PCDHGA2: variants seen among roughly 807,000 people sequenced by gnomAD.
PCDHGA2 encodes protocadherin gamma-A2.
In PCDHGA2, 40 loss-of-function variants were observed where a neutral mutation model predicts 59.2. That is an observed-to-expected ratio of 0.68 (90% confidence interval 0.52 to 0.88). The LOEUF (loss-of-function observed/expected upper bound fraction) is 0.88, where lower values mean the gene tolerates loss of function less well. Among genes scored for constraint, PCDHGA2 ranks in the 40% least tolerant of loss-of-function variants. The pLI, the probability that PCDHGA2 is intolerant of heterozygous loss-of-function variation, is 0.00. For synonymous variants in PCDHGA2, 560 were observed against 526.0 expected, an observed-to-expected ratio of 1.06 and a Z score of -0.89; for missense variants, 1,226 against 1,204.0, an observed-to-expected ratio of 1.02 and a Z score of -0.27.
intron 1 of PCDHGA2, chr5:141,415,542 T>C (rs770960227): frequency 1.2e-5 from 19 of 1,614,056 alleles, no homozygotes; most frequent in Non-Finnish European, 9.3e-6. Context: ...AGGAGAGCTG[T>C]GAGAAAAACG....
At chr5:141,461,063 C>T (rs1472437531) in intron 1 of PCDHGA2, among the ~76,000 whole-genome samples, 1 of 151,796 alleles carries the variant, frequency 6.6e-6, no homozygotes, top group Non-Finnish European at 1.5e-5. Flanking sequence ...GTTGGTTTCA[C>T]ATTTTTGCAA....
chr5:141,484,530 A>G (rs1406516272), intron 1 of PCDHGA2, among the ~76,000 whole-genome samples: 1 of 152,200 alleles, frequency 6.6e-6, no homozygotes, highest in East Asian at 1.9e-4. Context: ...TTTTGAGTAT[A>G]TGGCAGTGGT....
intron 1 of PCDHGA2, chr5:141,418,421 G>A (rs776535087): frequency 2.5e-6 from 4 of 1,613,966 alleles, no homozygotes; most frequent in Non-Finnish European, 3.4e-6. Flanking sequence ...CAATCCTGAT[G>A]GTGGCAAATA....
intron 1 of PCDHGA2, chr5:141,415,179 G>A: frequency 6.2e-7 from 1 of 1,613,934 alleles, no homozygotes; most frequent in Non-Finnish European, 8.5e-7. Flanking sequence ...CCGTGGCCGT[G>A]GCCGACAGCA....
chr5:141,426,772 C>T, intron 1 of PCDHGA2: 1 of 456,686 alleles, frequency 2.2e-6, no homozygotes, highest in South Asian at 1.5e-5. Context: ...GATGTAGGGC[C>T]TCACTCTCTC....
chr5:141,374,326 C>A, intron 1 of PCDHGA2: 1 of 1,613,980 alleles, frequency 6.2e-7, no homozygotes, highest in Non-Finnish European at 8.5e-7. Context: ...ATCCGCGAAA[C>A]GGCAGCTTGG....
In PCDHGA2 at chr5:141,432,487, G is replaced by A; in HGVS notation, c.2425-62320G>A. On this transcript the variant is annotated intron_variant, in intron 1 of 3. Coordinates refer to ENST00000394576, the MANE Select transcript of PCDHGA2 (RefSeq NM_018915.4). This position sits in a 1 kb window ranked among gnomAD's most constrained non-coding sequence, Gnocchi z 6.0. ...CCACGGACGGTTCCACTGGCGTGGA[G>A]CTGGCTCCCCGCTCCGCAGAGCCCG... 1.2e-6 allele frequency: 2 copies of A among 1,614,208 alleles called. No homozygotes were observed. The highest frequency in any genetic ancestry group is 2.2e-5 in the East Asian group (1 of 44,874).
At chr5:141,344,775 C>T (rs749298482) in intron 1 of PCDHGA2, 2 of 1,613,954 alleles carry the variant, frequency 1.2e-6, no homozygotes, top group African/African-American at 1.3e-5. Flanking sequence ...GCCTGAGTAC[C>T]GTGTGAGTGT....
intron 1 of PCDHGA2, chr5:141,400,256 G>T (rs756430299): frequency 8.1e-6 from 13 of 1,613,868 alleles, no homozygotes; most frequent in Non-Finnish European, 1.1e-5. Flanking sequence ...GTTGCCTTGC[G>T]CCTGCGACGC....
intron 1 of PCDHGA2, chr5:141,352,343 A>G (rs1758986738): frequency 6.2e-7 from 1 of 1,613,780 alleles, no homozygotes; most frequent in Non-Finnish European, 8.5e-7. Context: ...CTTGGCCTTG[A>G]TCTCAGTGCT....
intron 1 of PCDHGA2, chr5:141,388,663 C>G: frequency 1.9e-6 from 3 of 1,613,928 alleles, no homozygotes; most frequent in East Asian, 2.2e-5. Flanking sequence ...CCGGGGACCA[C>G]GGTGCTACAG....
At chr5:141,468,154 G>A (rs1374898668) in intron 1 of PCDHGA2, among the ~76,000 whole-genome samples, 2 of 151,838 alleles carry the variant, frequency 1.3e-5, no homozygotes, top group African/African-American at 2.4e-5. Flanking sequence ...GTGAAACCCT[G>A]TCTCTGCTAA....
chr5:141,376,233 A>G lies in PCDHGA2; in HGVS notation c.2424+34838A>G, dbSNP rs2159258. 2.7e-3 allele frequency: 4,327 copies of G among 1,614,166 alleles called. 84 individuals carry two copies. In the African/African-American group the frequency reaches 0.046, roughly 17 times the overall value. Reference sequence around the variant, plus strand: ...ATCGTGCTGCTGGCGCTCAGACTGCAGCGCTGGCACAAGTCACGCCTGCTG... The same window carrying G: ...ATCGTGCTGCTGGCGCTCAGACTGCGGCGCTGGCACAAGTCACGCCTGCTG... On this transcript the variant is annotated intron_variant, in intron 1 of 3. Coordinates refer to ENST00000394576, the MANE Select transcript of PCDHGA2 (RefSeq NM_018915.4).
At chr5:141,404,161 ATTG>A in intron 1 of PCDHGA2, 1 of 1,613,152 alleles carries the variant, frequency 6.2e-7, no homozygotes, top group South Asian at 1.1e-5. Context: ...ATTATTACAG[ATTG>A]TTGACGGCCC....
chr5:141,489,837 G>A lies in PCDHGA2; in HGVS notation c.2425-4970G>A. 6.2e-7 allele frequency: 1 copy of A among 1,614,204 alleles called. No individual in the cohort carries two copies. ...TCCCAGAGCTGGTGCTAGAGCAGCAGCTGGATCGTGAAGCCCAGGCAAGAC... is the reference window on the plus strand; with the variant it reads ...TCCCAGAGCTGGTGCTAGAGCAGCAACTGGATCGTGAAGCCCAGGCAAGAC... On this transcript the variant is annotated intron_variant, in intron 1 of 3. Transcript: ENST00000394576. This position sits in a 1 kb window ranked among gnomAD's most constrained non-coding sequence, Gnocchi z 4.5.
At chr5:141,374,942 A>C (rs758134474) in intron 1 of PCDHGA2, 3 of 1,614,044 alleles carry the variant, frequency 1.9e-6, no homozygotes, top group Non-Finnish European at 2.5e-6. Flanking sequence ...GATTACAGAA[A>C]AGATCTCACA....
chr5:141,387,177 T>C (rs989484840), intron 1 of PCDHGA2, among the ~76,000 whole-genome samples: 2 of 152,184 alleles, frequency 1.3e-5, no homozygotes, highest in Non-Finnish European at 2.9e-5. Context: ...AATTGCACCT[T>C]CTAAAAGGCA....
chr5:141,350,442 C>T, intron 1 of PCDHGA2: 1 of 1,610,734 alleles, frequency 6.2e-7, no homozygotes, highest in South Asian at 1.1e-5. Flanking sequence ...GAGTTGCCAA[C>T]TCGAAAACTG....
At chr5:141,362,049 C>G (rs1588571121) in intron 1 of PCDHGA2, 5 of 1,611,332 alleles carry the variant, frequency 3.1e-6, no homozygotes, top group Non-Finnish European at 4.2e-6. Context: ...GGGACGCGGC[C>G]CGCCAGCGCC....
Sources: gnomAD v4.1 joint callset for allele counts (sites outside exome capture counted in the v4.1 genomes callset) on GRCh38, gnomAD v4.1.1 for gene constraint, Gnocchi (gnomAD v3.1) non-coding constraint, MANE v1.5 for transcripts, NCBI Gene and HGNC (gene_info 2026-07-23, HGNC 2026-07-21) for gene names.